TTC28: variants seen among roughly 807,000 people sequenced by gnomAD.
TTC28 encodes the protein tetratricopeptide repeat protein 28.
Under a neutral mutation model 198.0 loss-of-function variants are expected in TTC28, and 61 were observed. The ratio of observed to expected loss-of-function variants is 0.31; its 90% CI spans 0.25 to 0.38. The LOEUF (loss-of-function observed/expected upper bound fraction) is 0.38, where lower values mean the gene tolerates loss of function less well. TTC28 is among the 10% of genes least tolerant of loss of function. TTC28 has a pLI of 1.00. For missense variants in TTC28, 2,678 were observed against 3,164.0 expected (o/e 0.85, Z 3.69); for synonymous variants, 1,171 against 1,297.8 (o/e 0.90, Z 2.10).
chr22:28,623,010 A>C (rs2146190182), intron 2 of TTC28, among the ~76,000 whole-genome samples: 1 of 152,044 alleles, frequency 6.6e-6, no homozygotes, highest in East Asian at 1.9e-4. Context: ...TTTAGTAGAG[A>C]TGGGGTTTTG....
At chr22:28,098,797 C>T in intron 10 of TTC28, 118 bp downstream of exon 10, 1 of 1,299,004 alleles carries the variant, frequency 7.7e-7, no homozygotes, top group South Asian at 1.5e-5. Flanking sequence ...GCTTCACAGT[C>T]TGTTGTCACA....
At chr22:28,622,232 C>T (rs547988375) in intron 2 of TTC28, among the ~76,000 whole-genome samples, 1 of 152,166 alleles carries the variant, frequency 6.6e-6, no homozygotes, top group East Asian at 1.9e-4. Flanking sequence ...AAAACCACAG[C>T]CTTTGGCCAA....
At chr22:28,203,117 G>A (rs946688714) in intron 5 of TTC28, among the ~76,000 whole-genome samples, 7 of 151,990 alleles carry the variant, frequency 4.6e-5, no homozygotes, top group African/African-American at 7.2e-5. Context: ...GCTTATTTGC[G>A]CATATTAAAT....
intron 2 of TTC28, among the ~76,000 whole-genome samples, chr22:28,578,340 T>C (rs1411798894): frequency 6.6e-6 from 1 of 152,210 alleles, no homozygotes; most frequent in Non-Finnish European, 1.5e-5. Flanking sequence ...CTATTATTTT[T>C]GATAGGTTTA....
At chr22:28,587,072 AT>A (rs1158042122) in intron 2 of TTC28, among the ~76,000 whole-genome samples, 1 of 152,146 alleles carries the variant, frequency 6.6e-6, no homozygotes, top group Non-Finnish European at 1.5e-5. Flanking sequence ...AAATACAAAA[AT>A]TAGCCGGGTA....
At chr22:28,242,319 C>T (rs984979875) in intron 5 of TTC28, among the ~76,000 whole-genome samples, 2 of 152,146 alleles carry the variant, frequency 1.3e-5, no homozygotes, top group Admixed American at 1.3e-4. Context: ...GTAATTATGC[C>T]ATCTGACAGA....
At chr22:28,573,662 C>T (rs555782632) in intron 2 of TTC28, among the ~76,000 whole-genome samples, 22 of 152,026 alleles carry the variant, frequency 1.4e-4, no homozygotes, top group Non-Finnish European at 2.8e-4. Context: ...GGGGTATCTA[C>T]ATCACCTCAA....
chr22:28,395,957 C>G (rs1453188475), intron 2 of TTC28, among the ~76,000 whole-genome samples: 3 of 152,138 alleles, frequency 2.0e-5, no homozygotes, highest in African/African-American at 7.2e-5. Flanking sequence ...CTAATGCAGA[C>G]AAATAATAAA....
chr22:28,249,814 C>A (rs1930388764), intron 5 of TTC28, among the ~76,000 whole-genome samples: 1 of 152,172 alleles, frequency 6.6e-6, no homozygotes, highest in African/African-American at 2.4e-5. Flanking sequence ...AATAAAAATT[C>A]TTTATCTATT....
chr22:28,473,013 T>C (rs2048118479), intron 2 of TTC28, among the ~76,000 whole-genome samples: 1 of 152,154 alleles, frequency 6.6e-6, no homozygotes, highest in African/African-American at 2.4e-5. Flanking sequence ...CTTCCTAAGG[T>C]AAGCAAAAGA....
intron 15 of TTC28, chr22:28,000,335 AAAGCAGCC>A (rs1937637031): frequency 6.6e-6 from 1 of 152,288 alleles, no homozygotes; most frequent in African/African-American, 2.4e-5. Context: ...GCAAGTCATC[AAAGCAGCC>A]AAGACAGGTC....
chr22:28,125,477 G>A (rs1205443865), intron 6 of TTC28, among the ~76,000 whole-genome samples: 2 of 152,164 alleles, frequency 1.3e-5, no homozygotes, highest in Non-Finnish European at 2.9e-5. Flanking sequence ...CTGTAGAAAT[G>A]GAGGCCCAAA....
At chr22:28,297,166 G>A (rs1369414809) in intron 4 of TTC28, among the ~76,000 whole-genome samples, 2 of 152,052 alleles carry the variant, frequency 1.3e-5, no homozygotes, top group Non-Finnish European at 1.5e-5. Context: ...GACCTGAATA[G>A]TCTAAAACAG....
intron 2 of TTC28, among the ~76,000 whole-genome samples, chr22:28,549,624 AT>A (rs1401550754): frequency 5.3e-5 from 8 of 152,332 alleles, no homozygotes; most frequent in African/African-American, 1.9e-4. Context: ...TTAATACATA[AT>A]GATTAATCAA....
chr22:28,168,164 A>T (rs575381265), intron 5 of TTC28, among the ~76,000 whole-genome samples: 2 of 152,334 alleles, frequency 1.3e-5, no homozygotes, highest in South Asian at 4.1e-4. Context: ...GCTCAATGAA[A>T]CAAAAGAGGG....
At chr22:28,471,383 T>G (rs576247839) in intron 2 of TTC28, among the ~76,000 whole-genome samples, 2 of 152,308 alleles carry the variant, frequency 1.3e-5, no homozygotes, top group African/African-American at 4.8e-5. Flanking sequence ...GTTGAAATGT[T>G]ACAGCTAAAA....
intron 12 of TTC28, among the ~76,000 whole-genome samples, chr22:28,075,122 T>A (rs1230823241): frequency 6.6e-6 from 1 of 151,944 alleles, no homozygotes; most frequent in Non-Finnish European, 1.5e-5. Context: ...AATAAAAATT[T>A]AAAAGGTCAT....
intron 5 of TTC28, among the ~76,000 whole-genome samples, chr22:28,240,309 GA>G (rs1342484695): frequency 2.0e-5 from 3 of 152,178 alleles, no homozygotes; most frequent in South Asian, 2.1e-4. Flanking sequence ...CACTGTTGGA[GA>G]AGGGAATGAC....
intron 10 of TTC28, among the ~76,000 whole-genome samples, chr22:28,097,294 C>T (rs1024246332): frequency 7.9e-5 from 12 of 152,222 alleles, no homozygotes; most frequent in African/African-American, 2.9e-4. Context: ...TTAAATGAAG[C>T]ACTACATGTA....
Sources: allele counts gnomAD v4.1 joint callset (sites outside exome capture counted in the v4.1 genomes callset), GRCh38; gene constraint gnomAD v4.1.1; transcripts MANE v1.5; gene names NCBI Gene and HGNC (gene_info 2026-07-23, HGNC 2026-07-21).